The following FAM184B variants were observed in gnomAD, a reference collection of about 807,000 sequenced individuals.
FAM184B encodes family with sequence similarity 184 member B, also known as protein FAM184B.
In FAM184B, 111 loss-of-function variants were observed where a neutral mutation model predicts 135.9. The observed-to-expected ratio is 0.82, with a 90% CI of 0.70 to 0.96. FAM184B has a LOEUF of 0.96. FAM184B is among the 40% of genes least tolerant of loss of function. FAM184B has a pLI of 0.00. For missense variants in FAM184B, 1,375 were observed against 1,323.9 expected (o/e 1.04, Z -0.60); for synonymous variants, 552 against 524.8 (o/e 1.05, Z -0.71).
intron 1 of FAM184B, among the ~76,000 whole-genome samples, chr4:17,752,895 G>C (rs1718334451): frequency 6.6e-6 from 1 of 152,196 alleles, no homozygotes; most frequent in South Asian, 2.1e-4. Flanking sequence ...TTTCCAATTG[G>C]AAAGCAGTTT....
rs993216332 is a variant in FAM184B at position 17,636,578 on chromosome 4, G to A, written c.2734C>T (p.Arg912Cys). The A allele has an allele frequency of 6.8e-5, 106 of 1,551,008 alleles. No individual in the cohort carries two copies. In the East Asian group the frequency reaches 1.8e-3, roughly 26 times the overall value. ...SRPEDLQLIGRLQTRLKERED... is the reference protein window; with the variant it reads ...SRPEDLQLIGCLQTRLKERED... The stretch of plus-strand genomic sequence containing the variant: ...CTCTCCTTCAGGCGGGTCTGCAGGC[G>A]GCCAATGAGCTGAAGGTCCTCGGGC... Residue 912 changes from arginine (R) to cysteine (C), a missense_variant, in exon 15 of 18, where the codon CGC (arginine) becomes TGC (cysteine). Transcript: ENST00000265018.
At chr4:17,773,200 C>T (rs930891914) in intron 1 of FAM184B, among the ~76,000 whole-genome samples, 1 of 152,164 alleles carries the variant, frequency 6.6e-6, no homozygotes, top group Non-Finnish European at 1.5e-5. Flanking sequence ...AGAGATGGTT[C>T]TTCCCTCCCA....
In FAM184B at chr4:17,645,527, T is replaced by G. The variant is rs1385957692; in HGVS notation, c.2346+2110A>C. The stretch of plus-strand genomic sequence containing the variant: ...GCTGGGAAAACTGGCTAGCCATATG[T>G]AGAAAGCTGAAACTGGATCCCTTCC... On this transcript the variant is annotated intron_variant, in intron 12 of 17. Coordinates refer to ENST00000265018, the MANE Select transcript of FAM184B (RefSeq NM_015688.2). 2.5e-3 allele frequency among the ~76,000 whole-genome samples: 382 copies of G among 152,208 alleles called. 3 individuals are homozygous for G. The highest frequency in any genetic ancestry group is 8.1e-3 in the African/African-American group (337 of 41,542).
chr4:17,656,641 G>T (rs1715783579), intron 10 of FAM184B, among the ~76,000 whole-genome samples: 1 of 152,114 alleles, frequency 6.6e-6, no homozygotes, highest in South Asian at 2.1e-4. Flanking sequence ...GCCTCAAGTG[G>T]TCTGTTCATC....
At chr4:17,780,537 C>T (rs965289292) in intron 1 of FAM184B, among the ~76,000 whole-genome samples, 2 of 152,094 alleles carry the variant, frequency 1.3e-5, no homozygotes, top group Non-Finnish European at 2.9e-5. Context: ...AAGGTTCAAT[C>T]AGAGCCCCCT....
intron 6 of FAM184B, among the ~76,000 whole-genome samples, chr4:17,691,329 C>T (rs540381504): frequency 1.3e-5 from 2 of 152,280 alleles, no homozygotes; most frequent in African/African-American, 4.8e-5. Context: ...TAAATGTAAA[C>T]TTCTTAGATA....
chr4:17,639,469 TCCCTCATCGCTG>T, intron 13 of FAM184B, 73 bp from the exon 14 acceptor site: 1 of 1,510,674 alleles, frequency 6.6e-7, no homozygotes, highest in Non-Finnish European at 8.9e-7. Flanking sequence ...GGGGTTTATT[TCCCTCATCGCTG>T]CCCAGTTTGG....
At chr4:17,757,681 C>T (rs1718452486) in intron 1 of FAM184B, among the ~76,000 whole-genome samples, 2 of 151,652 alleles carry the variant, frequency 1.3e-5, no homozygotes, top group African/African-American at 4.9e-5. Flanking sequence ...TGAGGCTGAG[C>T]AACAGAGGTA....
rs116014956 is a variant in FAM184B, at chr4:17,769,596, C to T, written c.141+11563G>A. On this transcript the variant is annotated intron_variant, in intron 1 of 17. Transcript: ENST00000265018. Reference sequence around the variant, plus strand: ...GGAGTGGGTAAAGACTACTTGTCAGCGCTGGCCAGTTTCCTAGTGCACTTA... The same window carrying T: ...GGAGTGGGTAAAGACTACTTGTCAGTGCTGGCCAGTTTCCTAGTGCACTTA... 6.0e-3 allele frequency among the ~76,000 whole-genome samples: 916 copies of T among 152,192 alleles called. 8 individuals are homozygous for T. The highest frequency in any genetic ancestry group is 0.02 in the African/African-American group (838 of 41,526).
At chr4:17,690,213 C>T (rs1716700482) in intron 6 of FAM184B, among the ~76,000 whole-genome samples, 1 of 151,868 alleles carries the variant, frequency 6.6e-6, no homozygotes. Context: ...AGCTTAAGGG[C>T]ACTGAAGGAT....
At chr4:17,730,853 A>T (rs1043228903) in intron 1 of FAM184B, among the ~76,000 whole-genome samples, 6 of 152,206 alleles carry the variant, frequency 3.9e-5, no homozygotes, top group Admixed American at 1.3e-4. Context: ...AAATTAGATG[A>T]TTGGATAACT....
chr4:17,717,336 C>A (rs1717418098), intron 1 of FAM184B, among the ~76,000 whole-genome samples: 1 of 152,218 alleles, frequency 6.6e-6, no homozygotes, highest in African/African-American at 2.4e-5. Context: ...GAGACACAAT[C>A]TCCTCCAACT....
At chr4:17,641,642 C>CTTTTTTTTTTTTTTTTTTT (rs1560165284) in intron 13 of FAM184B, among the ~76,000 whole-genome samples, 2 of 34,450 alleles carry the variant, frequency 5.8e-5, no homozygotes, top group Admixed American at 4.5e-4. Flanking sequence ...CCACGCCCGG[C>CTTTTTTTTTTTTTTTTTTT]CTTTTTTTTT....
At chr4:17,696,283 C>G (rs11734526) in intron 5 of FAM184B, among the ~76,000 whole-genome samples, 45,279 of 152,134 alleles carry the variant, frequency 0.3, 7,779 homozygotes, top group Non-Finnish European at 0.39. Flanking sequence ...TTCTTCCCTG[C>G]CTTCTTAAGG....
At chr4:17,661,052 G>C (rs1185025859) in intron 8 of FAM184B, among the ~76,000 whole-genome samples, 1 of 152,088 alleles carries the variant, frequency 6.6e-6, no homozygotes, top group Non-Finnish European at 1.5e-5. Flanking sequence ...CCAAGAGAAT[G>C]GTGCAAAAGC....
At chr4:17,662,633 C>T (rs549816019) in intron 8 of FAM184B, among the ~76,000 whole-genome samples, 2 of 152,308 alleles carry the variant, frequency 1.3e-5, no homozygotes, top group South Asian at 2.1e-4. Flanking sequence ...CCACTGTGCC[C>T]GGCAATGTTT....
rs145542900 is a variant in FAM184B, at chr4:17,768,447, G to A, written c.141+12712C>T. ...ACCCCGCCACGCCCAGCTAATTTTT[G>A]TATTTTTAGTAGAGACGGGGTGTCA... is the stretch of plus-strand genomic sequence containing the variant. On this transcript the variant is annotated intron_variant, in intron 1 of 17. Coordinates refer to ENST00000265018, the MANE Select transcript of FAM184B (RefSeq NM_015688.2). Among the ~76,000 whole-genome samples the A allele has an allele frequency of 7.9e-3, 1,199 of 152,276 alleles. 18 individuals carry two copies. The highest frequency in any genetic ancestry group is 0.027 in the African/African-American group (1,143 of 41,564).
chr4:17,684,087 G>A (rs1423489039), intron 7 of FAM184B, among the ~76,000 whole-genome samples: 1 of 6,438 alleles, frequency 1.6e-4, no homozygotes, highest in South Asian at 0.021. Flanking sequence ...AATAATAATA[G>A]TAATTACTAT....
intron 15 of FAM184B, among the ~76,000 whole-genome samples, 159 bp downstream of exon 15, chr4:17,636,369 C>G (rs146932338): frequency 0.015 from 2,318 of 152,338 alleles, 66 homozygotes; most frequent in African/African-American, 0.053. Flanking sequence ...TCCCAAAGTG[C>G]TGGGATTACA....
Sources: gnomAD v4.1 joint callset for allele counts (sites outside exome capture counted in the v4.1 genomes callset) on GRCh38, gnomAD v4.1.1 for gene constraint, MANE v1.5 for transcripts, NCBI Gene and HGNC (gene_info 2026-07-23, HGNC 2026-07-21) for gene names.